QNG1: variants seen among roughly 807,000 people sequenced by gnomAD.
QNG1 encodes queuosine 5'-phosphate N-glycosylase/hydrolase.
chr9:83,947,897 T>C, the QNG1 span, among the ~76,000 whole-genome samples: 8,836 of 152,220 alleles, frequency 0.058, 831 homozygotes, highest in African/African-American at 0.2. Flanking sequence ...CCTTGGCCTC[T>C]CAAAGTGCTG....
At chr9:83,944,955 ATTTGGGCTCG>A in the QNG1 span, 6 of 1,609,152 alleles carry the variant, frequency 3.7e-6, no homozygotes, top group Non-Finnish European at 5.1e-6. Flanking sequence ...TGCTACAAGG[ATTTGGGCTCG>A]TTTGTAAAAA....
At chr9:83,946,378 C>A in the QNG1 span, among the ~76,000 whole-genome samples, 1 of 152,032 alleles carries the variant, frequency 6.6e-6, no homozygotes, top group Non-Finnish European at 1.5e-5. Context: ...CTGAAGAGAA[C>A]CACAACATTC....
chr9:83,943,331 CAAAAAAA>C, the QNG1 span, among the ~76,000 whole-genome samples: 114 of 62,498 alleles, frequency 1.8e-3, no homozygotes, highest in Non-Finnish European at 2.8e-3. Flanking sequence ...CAGAGCGTCT[CAAAAAAA>C]AAAAAAAAAA....
the QNG1 span, chr9:83,956,652 A>T: frequency 1.0e-5 from 6 of 592,152 alleles, no homozygotes; most frequent in Non-Finnish European, 1.7e-5. Flanking sequence ...TAGTGCAGCC[A>T]AGGTAAAGGT....
chr9:83,948,512 A>AGGG, the QNG1 span, among the ~76,000 whole-genome samples: 17 of 131,588 alleles, frequency 1.3e-4, no homozygotes, highest in Admixed American at 3.8e-4. Context: ...CCTGTCCGGG[A>AGGG]GGGGGGGGGC....
the QNG1 span, chr9:83,938,366 AC>A: frequency 6.6e-6 from 1 of 152,174 alleles, no homozygotes; most frequent in African/African-American, 2.4e-5. Context: ...CTCTGAAAAA[AC>A]AAATTAGACA....
the QNG1 span, chr9:83,955,322 TAA>T: frequency 4.5e-6 from 7 of 1,542,360 alleles, no homozygotes; most frequent in Non-Finnish European, 6.1e-6. Context: ...GTTCTGGAAG[TAA>T]AAGAGTTAAC....
chr9:83,951,865 T>C, the QNG1 span, among the ~76,000 whole-genome samples: 1 of 152,232 alleles, frequency 6.6e-6, no homozygotes, highest in Non-Finnish European at 1.5e-5. Flanking sequence ...AAATCACTGA[T>C]CTAAATCTAT....
chr9:83,948,446 C>T, the QNG1 span, among the ~76,000 whole-genome samples: 106 of 143,594 alleles, frequency 7.4e-4, no homozygotes, highest in African/African-American at 2.4e-3. Context: ...GCCCCCCCGC[C>T]CGGCCAGCCG....
the QNG1 span, among the ~76,000 whole-genome samples, chr9:83,946,837 G>A: frequency 3.9e-5 from 6 of 152,274 alleles, no homozygotes; most frequent in East Asian, 5.8e-4. Flanking sequence ...GACCTCAGGC[G>A]ATCCGTGTGC....
the QNG1 span, among the ~76,000 whole-genome samples, chr9:83,941,974 G>C: frequency 6.6e-6 from 1 of 152,108 alleles, no homozygotes; most frequent in Non-Finnish European, 1.5e-5. Flanking sequence ...GCCATGATTG[G>C]TGTGATGCAG....
the QNG1 span, chr9:83,956,084 C>A: frequency 2.8e-6 from 4 of 1,434,020 alleles, no homozygotes; most frequent in Non-Finnish European, 3.8e-6. Flanking sequence ...CCAACCCGCT[C>A]CTTGGAACTC....
the QNG1 span, among the ~76,000 whole-genome samples, chr9:83,947,690 T>C: frequency 6.6e-6 from 1 of 152,158 alleles, no homozygotes; most frequent in Non-Finnish European, 1.5e-5. Context: ...GTTTTTGTAT[T>C]TTTTGGTGGA....
At chr9:83,948,318 A>G in the QNG1 span, among the ~76,000 whole-genome samples, 2 of 92,340 alleles carry the variant, frequency 2.2e-5, no homozygotes, top group Non-Finnish European at 5.7e-5. Flanking sequence ...TCCGCCCGGC[A>G]GCCGCCCCGT....
chr9:83,955,380 C>G, the QNG1 span: 1 of 1,612,708 alleles, frequency 6.2e-7, no homozygotes, highest in East Asian at 2.2e-5. Context: ...AAGCAACTCA[C>G]CTCAAACAGA....
chr9:83,952,140 A>G, the QNG1 span, among the ~76,000 whole-genome samples: 1 of 151,546 alleles, frequency 6.6e-6, no homozygotes, highest in East Asian at 1.9e-4. Context: ...GCATGCCACC[A>G]CGCCTGGCTA....
chr9:83,947,031 A>C, the QNG1 span, among the ~76,000 whole-genome samples: 1,249 of 152,156 alleles, frequency 8.2e-3, 20 homozygotes, highest in African/African-American at 0.029. Flanking sequence ...TGATCACATC[A>C]CTAAACTCCA....
At chr9:83,941,305 G>A in the QNG1 span, among the ~76,000 whole-genome samples, 6 of 152,200 alleles carry the variant, frequency 3.9e-5, no homozygotes, top group African/African-American at 1.4e-4. Flanking sequence ...TGGTACCTGT[G>A]ACTTTGACTT....
chr9:83,955,418 T>G, the QNG1 span: 4 of 1,614,166 alleles, frequency 2.5e-6, no homozygotes, highest in East Asian at 6.7e-5. Context: ...AGGAAAACTT[T>G]CAACCACCAG....
Sources: gnomAD v4.1 joint callset for allele counts (sites outside exome capture counted in the v4.1 genomes callset) on GRCh38, gnomAD v4.1.1 for gene constraint, MANE v1.5 for transcripts, NCBI Gene and HGNC (gene_info 2026-07-23, HGNC 2026-07-21) for gene names.